The following ADA2 variants were observed in gnomAD, a reference collection of about 807,000 sequenced individuals.
ADA2 encodes adenosine deaminase CECR1.
In ADA2, 29 loss-of-function variants were observed where a neutral mutation model predicts 44.2. The ratio of observed to expected loss-of-function variants is 0.66; its 90% CI spans 0.49 to 0.89. The LOEUF (loss-of-function observed/expected upper bound fraction) is 0.89. ADA2 is among the 40% of genes least tolerant of loss of function. The pLI, the probability that ADA2 is intolerant of heterozygous loss-of-function variation, is 0.00. For synonymous variants in ADA2, 215 were observed against 234.9 expected (o/e 0.92, Z 0.77); for missense variants, 637 against 644.8 (o/e 0.99, Z 0.13).
chr22:17,205,185 T>C (rs964154729), intron 3 of ADA2, among the ~76,000 whole-genome samples: 2 of 151,992 alleles, frequency 1.3e-5, no homozygotes, highest in Admixed American at 6.6e-5. Flanking sequence ...GCACGGCTAA[T>C]TTTTTTGTAT....
At chr22:17,216,064 G>A (rs1601470127) in intron 1 of ADA2, among the ~76,000 whole-genome samples, 1 of 152,042 alleles carries the variant, frequency 6.6e-6, no homozygotes, top group East Asian at 1.9e-4. Context: ...GCGTGCACCT[G>A]TAATCCCAAC....
At chr22:17,195,247 G>A (rs886461232) in intron 4 of ADA2, among the ~76,000 whole-genome samples, 1 of 152,196 alleles carries the variant, frequency 6.6e-6, no homozygotes, top group African/African-American at 2.4e-5. Context: ...GGCCGGGTGT[G>A]ATGGCTCATG....
intron 2 of ADA2, among the ~76,000 whole-genome samples, chr22:17,208,810 A>AATTTTTTTTTTTTT: frequency 6.7e-6 from 1 of 149,612 alleles, no homozygotes; most frequent in East Asian, 2.0e-4. Context: ...CTCAAAAAAA[A>AATTTTTTTTTTTTT]TTTTTTTTAA....
At chr22:17,204,551 A>T (rs1424081046) in intron 3 of ADA2, among the ~76,000 whole-genome samples, 1 of 151,812 alleles carries the variant, frequency 6.6e-6, no homozygotes, top group Non-Finnish European at 1.5e-5. Context: ...TGGAGGTTGT[A>T]GTGAGCTGAG....
intron 9 of ADA2, 101 bp from the exon 10 acceptor site, chr22:17,181,677 A>G: frequency 9.2e-7 from 1 of 1,083,008 alleles, no homozygotes; most frequent in Admixed American, 1.7e-5. Flanking sequence ...CACTCTCCCC[A>G]GGCCAGCAGC....
In ADA2 at chr22:17,189,320, T is replaced by C. The variant is rs534256237; in HGVS notation, c.972+622A>G. Among the ~76,000 whole-genome samples, 176 of 152,228 alleles carry C rather than the reference T, an allele frequency of 1.2e-3. 2 individuals carry two copies. The highest frequency in any genetic ancestry group is 2.1e-4 in the Non-Finnish European group (14 of 68,006). ...GCCACTGCACCCGGCCTAGATTCTT[T>C]ATGAGATTGCCGAGCTGTCACCTAA... is the stretch of plus-strand genomic sequence containing the variant. On this transcript the variant is annotated intron_variant, in intron 6 of 9. Transcript: ENST00000399837.
intron 3 of ADA2, among the ~76,000 whole-genome samples, chr22:17,204,121 CT>C (rs1027157921): frequency 6.6e-6 from 1 of 151,974 alleles, no homozygotes; most frequent in Admixed American, 6.6e-5. Context: ...CTCTCTCTCT[CT>C]TTTTTTCTTC....
intron 7 of ADA2, among the ~76,000 whole-genome samples, chr22:17,183,209 G>A (rs2061993366): frequency 6.6e-6 from 1 of 151,896 alleles, no homozygotes; most frequent in African/African-American, 2.4e-5. Flanking sequence ...TCAGCCTCCT[G>A]AGTAGCTGGG....
At chr22:17,218,965 T>A (rs2062498889) in intron 1 of ADA2, among the ~76,000 whole-genome samples, 1 of 152,170 alleles carries the variant, frequency 6.6e-6, no homozygotes, top group East Asian at 1.9e-4. Context: ...AAGACCAGCC[T>A]GGCCAACACG....
chr22:17,179,062 C>G lies in ADA2; in HGVS notation c.*2421G>C, dbSNP rs1005205580. On this transcript the variant is annotated 3_prime_UTR_variant, in exon 10 of 10. Coordinates refer to ENST00000399837, the MANE Select transcript of ADA2 (RefSeq NM_001282225.2). ...GAATGGAGAGAGGGCTTGCTGCTGT[C>G]TGAGAGCTCAGGTACAGGTCATGGA... The G allele has an allele frequency of 5.3e-5, 8 of 152,236 alleles. No homozygotes were observed. The highest frequency in any genetic ancestry group is 1.9e-4 in the African/African-American group (8 of 41,452). The allele number at this position is 152,236 out of a possible 1,614,324, so 9.4% of individuals were successfully genotyped here.
intron 7 of ADA2, among the ~76,000 whole-genome samples, chr22:17,183,902 C>A (rs2062003741): frequency 6.6e-6 from 1 of 151,502 alleles, no homozygotes; most frequent in African/African-American, 2.4e-5. Flanking sequence ...CGCTAGATGA[C>A]CGCAGACAGT....
intron 4 of ADA2, 58 bp from the exon 5 acceptor site, chr22:17,191,868 TCCCAGCCACCCCTG>T (rs1568975134): frequency 2.4e-5 from 36 of 1,531,016 alleles, no homozygotes; most frequent in East Asian, 2.1e-4. Flanking sequence ...GCCACCCCCT[TCCCAGCCACCCCTG>T]CCCAGCCACC....
At chr22:17,188,550 C>CACTGCCGGG (rs1264613094) in intron 6 of ADA2, 103 bp from the exon 7 acceptor site, 1 of 707,958 alleles carries the variant, frequency 1.4e-6, no homozygotes, top group Non-Finnish European at 2.4e-6. Context: ...ACCCTGCCAC[C>CACTGCCGGG]ACTGCCGGGA....
intron 7 of ADA2, among the ~76,000 whole-genome samples, chr22:17,186,714 C>T (rs1358281836): frequency 6.6e-6 from 1 of 151,740 alleles, no homozygotes; most frequent in African/African-American, 2.4e-5. Context: ...ACTAAAAATA[C>T]AAAAATTAGC....
rs949566463 is a variant in ADA2, at chr22:17,207,396, G to A, written c.323-106C>T. On this transcript the variant is annotated intron_variant, in intron 2 of 9. Transcript: ENST00000399837. ...GTGAAGTCCCATCCCAGGACTCTGGGGCTGTGGGGACAAAGGGGTGAAGTC... is the reference window on the plus strand; with the variant it reads ...GTGAAGTCCCATCCCAGGACTCTGGAGCTGTGGGGACAAAGGGGTGAAGTC... 3 of 794,054 alleles carry A rather than the reference G, an allele frequency of 3.8e-6. No homozygotes were observed. In the African/African-American group the frequency reaches 5.2e-5, roughly 14 times the overall value. 49.2% of individuals were successfully genotyped at this position (794,054 alleles called of 1,614,324 possible). A position where few individuals can be genotyped will look rare whatever the true frequency, so the allele number is the denominator to read the frequency against.
intron 4 of ADA2, among the ~76,000 whole-genome samples, chr22:17,197,393 C>A (rs1272716666): frequency 6.6e-6 from 1 of 151,818 alleles, no homozygotes; most frequent in East Asian, 1.9e-4. Flanking sequence ...TCTTGAGTAA[C>A]TGGGACCACA....
chr22:17,189,303 A>C (rs2062084349), intron 6 of ADA2, among the ~76,000 whole-genome samples: 1 of 151,952 alleles, frequency 6.6e-6, no homozygotes, highest in African/African-American at 2.4e-5. Flanking sequence ...GAGCCACTGC[A>C]CCCGGCCTAG....
chr22:17,186,746 G>A lies in ADA2; in HGVS notation c.1081+1593C>T, dbSNP rs149952051. On this transcript the variant is annotated intron_variant, in intron 7 of 9. Transcript: ENST00000399837. ...TAGCTAGGCATGGTGGTGCATGCCC[G>A]TAATCCCAGCTTCTCCAGAGGCTGA... Among the ~76,000 whole-genome samples, 559 of 151,818 alleles carry A rather than the reference G, an allele frequency of 3.7e-3. 3 individuals carry two copies. The highest frequency in any genetic ancestry group is 9.2e-3 in the Admixed American group (140 of 15,174).
intron 4 of ADA2, 47 bp from the exon 5 acceptor site, chr22:17,191,857 C>A (rs374320840): frequency 1.9e-6 from 3 of 1,572,730 alleles, no homozygotes; most frequent in African/African-American, 1.3e-5. Context: ...CAGTGAGAGA[C>A]GCCACCCCCT....
Sources: allele counts gnomAD v4.1 joint callset (sites outside exome capture counted in the v4.1 genomes callset), GRCh38; gene constraint gnomAD v4.1.1; transcripts MANE v1.5; gene names NCBI Gene and HGNC (gene_info 2026-07-23, HGNC 2026-07-21).